Variants in AP4M1 observed in about 807,000 individuals in gnomAD.
AP4M1 encodes the protein AP-4 complex subunit mu-1.
In AP4M1, 58 loss-of-function variants were observed where a neutral mutation model predicts 62.4. The observed-to-expected ratio is 0.93, with a 90% CI of 0.75 to 1.16. The LOEUF (loss-of-function observed/expected upper bound fraction) is 1.16. Among genes scored for constraint, AP4M1 ranks in the 50% most tolerant of loss-of-function variants. AP4M1 has a pLI of 0.00. For synonymous variants in AP4M1, 290 were observed against 239.7 expected (o/e 1.21, Z -1.94); for missense variants, 626 against 585.4 (o/e 1.07, Z -0.72).
chr7:100,107,816 G>T lies in AP4M1; in HGVS notation c.*934G>T. On this transcript the variant is annotated 3_prime_UTR_variant, in exon 15 of 15. Transcript: ENST00000359593. ...AGGACCCTGGTGGGCGCCTCTTCCA[G>T]CTCTTGACTTGGGGCCCAGAGGGGA... The T allele has an allele frequency of 7.0e-7, 1 of 1,432,430 alleles. No homozygotes were observed. 88.7% of individuals were successfully genotyped at this position (1,432,430 alleles called of 1,614,324 possible). A position where few individuals can be genotyped will look rare whatever the true frequency, so the allele number is the denominator to read the frequency against.
In AP4M1 at chr7:100,108,809, T is replaced by G. The variant is rs1179057030; in HGVS notation, c.*1927T>G. On this transcript the variant is annotated 3_prime_UTR_variant, in exon 15 of 15. Coordinates refer to ENST00000359593, the MANE Select transcript of AP4M1 (RefSeq NM_004722.4). ...CCAGCACTTGGGAGGCTGAGGTGGG[T>G]GGATCACTTGAGGTCAAGAGCCTGG... 3.2e-6 allele frequency: 1 copy of G among 313,910 alleles called. No individual in the cohort carries two copies. The highest frequency in any genetic ancestry group is 5.8e-6 in the Non-Finnish European group (1 of 171,032). 19.4% of individuals were successfully genotyped at this position (313,910 alleles called of 1,614,324 possible). A position where few individuals can be genotyped will look rare whatever the true frequency, so the allele number is the denominator to read the frequency against.
rs368830741 is a variant in AP4M1 at position 100,105,258 on chromosome 7, G to A, written c.746G>A (p.Arg249Gln). The A allele has an allele frequency of 6.8e-6, 11 of 1,613,968 alleles. No homozygotes were observed. The highest frequency in any genetic ancestry group is 1.6e-4 in the Middle Eastern group (1 of 6,084). The change falls in exon 10 of 15, where the codon CGG becomes CAG. Residue 249 changes from arginine (R) to glutamine (Q), a missense_variant. Physicochemically the swap from Arg to Gln is conservative, Grantham distance 43. Transcript: ENST00000359593. ...TTTCCAGGTTATGGGCCAGGAATCC[G>A]GGTCGATGAAGTCTCGTTTCACAGC... ...SELRGYGPGI[R>Q]VDEVSFHSSV...
rs766443912 is a variant in AP4M1 at position 100,105,467 on chromosome 7, T to A, written c.857T>A (p.Leu286His). The A allele has an allele frequency of 6.2e-7, 1 of 1,614,036 alleles. No homozygotes were observed. Among genetic ancestry groups the A allele is most frequent in the East Asian group, 2.2e-5 (1 of 44,882 alleles). The stretch of plus-strand genomic sequence containing the variant: ...CAGCTGACTGTGATGCGGTACCAAC[T>A]CTCCGATGACCTCCCCTCACCGCTC... ...QGELTVMRYQLSDDLPSPLPF... is the reference protein window; with the variant it reads ...QGELTVMRYQHSDDLPSPLPF... The change falls in exon 11 of 15, where the codon CTC becomes CAC. Residue 286 changes from leucine to histidine, a missense_variant. Transcript: ENST00000359593.
At position 100,107,939 on chromosome 7, in the gene AP4M1, G is replaced by C; in HGVS notation, c.*1057G>C. On this transcript the variant is annotated 3_prime_UTR_variant, in exon 15 of 15. Transcript: ENST00000359593. Reference sequence around the variant, plus strand: ...AGCTCTGCATACCTGCTGGGTGGATGGGGCGCTGGAGGACGATGACATTAC... The same window carrying C: ...AGCTCTGCATACCTGCTGGGTGGATCGGGCGCTGGAGGACGATGACATTAC... The C allele has an allele frequency of 6.2e-7, 1 of 1,611,102 alleles. No individual in the cohort carries two copies. Among genetic ancestry groups the C allele is most frequent in the Non-Finnish European group, 8.5e-7 (1 of 1,178,056 alleles).
Position 100,107,189 on chromosome 7 carries a change from C to T in AP4M1, c.*307C>T, listed in dbSNP as rs4134929. On this transcript the variant is annotated 3_prime_UTR_variant, in exon 15 of 15. Coordinates refer to ENST00000359593, the MANE Select transcript of AP4M1 (RefSeq NM_004722.4). ...CGCTTAGCGAGCATGCATGTGTGTACGTGCACGTGTGTACATGTCTGCATG... is the reference window on the plus strand; with the variant it reads ...CGCTTAGCGAGCATGCATGTGTGTATGTGCACGTGTGTACATGTCTGCATG... The T allele has an allele frequency of 4.2e-4, 640 of 1,519,058 alleles. 3 individuals carry two copies. The African/African-American group carries it at 7.3e-3, about 17-fold the overall frequency. The allele number at this position is 1,519,058 out of a possible 1,614,324, so 94.1% of individuals were successfully genotyped here. A position where few individuals can be genotyped will look rare whatever the true frequency, so the allele number is the denominator to read the frequency against.
At chr7:100,104,337 G>A (rs1796296585) in intron 7 of AP4M1, among the ~76,000 whole-genome samples, 183 bp downstream of exon 7, 1 of 151,802 alleles carries the variant, frequency 6.6e-6, no homozygotes, top group Admixed American at 6.6e-5. Context: ...GGGCAACATA[G>A]CCAGACCCCG....
At position 100,108,597 on chromosome 7, in the gene AP4M1, A is replaced by C; in HGVS notation, c.*1715A>C. On this transcript the variant is annotated 3_prime_UTR_variant, in exon 15 of 15. Coordinates refer to ENST00000359593, the MANE Select transcript of AP4M1 (RefSeq NM_004722.4). ...AGGGCTGGGGAAAAAAGCCAGGTAGAGGGAGGGCTGGTGACACTCTTGAGA... is the reference window on the plus strand; with the variant it reads ...AGGGCTGGGGAAAAAAGCCAGGTAGCGGGAGGGCTGGTGACACTCTTGAGA... 1 of 1,541,080 alleles carries C rather than the reference A, an allele frequency of 6.5e-7. No individual in the cohort carries two copies. Among genetic ancestry groups the C allele is most frequent in the Non-Finnish European group, 8.8e-7 (1 of 1,140,652 alleles).
rs1045136764 is a variant in AP4M1, at chr7:100,108,297, G to A, written c.*1415G>A. ...TGACTGAGGGCACATGTGGCTGTGT[G>A]CAAGTGCCTGTCCCACACAGGGGTT... On this transcript the variant is annotated 3_prime_UTR_variant, in exon 15 of 15. Transcript: ENST00000359593. The A allele has an allele frequency of 9.2e-6, 14 of 1,522,910 alleles. No individual in the cohort carries two copies. The Middle Eastern group carries it at 1.4e-3, about 154-fold the overall frequency. The allele number at this position is 1,522,910 out of a possible 1,614,324, so 94.3% of individuals were successfully genotyped here.
chr7:100,106,712 T>C lies in AP4M1; in HGVS notation c.1192T>C (p.Ser398Pro). 6 of 1,613,652 alleles carry C rather than the reference T, an allele frequency of 3.7e-6. No individual in the cohort carries two copies. The highest frequency in any genetic ancestry group is 5.1e-6 in the Non-Finnish European group (6 of 1,180,020). ...CAGCCATGGGCTCTCCACCTCGGCCTCTCCTCTGGGGCTGGGCCCTGCCAG... is the reference window on the plus strand; with the variant it reads ...CAGCCATGGGCTCTCCACCTCGGCCCCTCCTCTGGGGCTGGGCCCTGCCAG... ...PPSHGLSTSA[S>P]PLGLGPASLS... is the part of the protein sequence containing the mutation. Residue 398 changes from serine to proline, a missense_variant, in exon 15 of 15, where the codon TCT (serine) becomes CCT (proline). Ser to Pro is a moderately conservative substitution (Grantham distance 74). Transcript: ENST00000359593.
chr7:100,106,903 G>A lies in AP4M1; in HGVS notation c.*21G>A, dbSNP rs371223901. ...TCTGAGGCTCCCCAAACGAGGACAC[G>A]ACGGCCAAGGTGGCAGTTTGTCCCA... On this transcript the variant is annotated 3_prime_UTR_variant, in exon 15 of 15. Coordinates refer to ENST00000359593, the MANE Select transcript of AP4M1 (RefSeq NM_004722.4). 2.2e-5 allele frequency: 35 copies of A among 1,606,084 alleles called. No homozygotes were observed. The highest frequency in any genetic ancestry group is 8.4e-5 in the Admixed American group (5 of 59,544).
intron 11 of AP4M1, among the ~76,000 whole-genome samples, 198 bp downstream of exon 11, chr7:100,105,737 A>G (rs1196047351): frequency 2.6e-5 from 4 of 151,880 alleles, no homozygotes; most frequent in East Asian, 1.9e-4. Flanking sequence ...ACTTGAGCCC[A>G]GGAGTTCCAG....
In AP4M1 at chr7:100,105,966, G is replaced by C. The variant is rs762423703; in HGVS notation, c.937G>C (p.Val313Leu). ...QWDRGSGRLQ[V>L]YLKLRCDLLS... ...TTTTACCCTCTCATCCAGGCTCCAG[G>C]TTTATCTAAAGTTGCGATGTGACCT... is the stretch of plus-strand genomic sequence containing the variant. Residue 313 changes from valine (V) to leucine (L), a missense_variant, in exon 12 of 15, where the codon GTT (valine) becomes CTT (leucine). Physicochemically the swap from Val to Leu is conservative, Grantham distance 32 (BLOSUM62 1). Transcript: ENST00000359593. The C allele has an allele frequency of 4.3e-6, 7 of 1,614,042 alleles. No homozygotes were observed. Among genetic ancestry groups the C allele is most frequent in the Non-Finnish European group, 5.9e-6 (7 of 1,180,044 alleles).
chr7:100,103,253 A>G, intron 4 of AP4M1, 156 bp from the exon 5 acceptor site: 1 of 731,620 alleles, frequency 1.4e-6, no homozygotes, highest in Admixed American at 2.0e-5. Context: ...TGTGTTGCCC[A>G]GGCTGGTCTT....
rs758379682 is a variant in AP4M1, at chr7:100,102,797, C to T, written c.254+16C>T. The T allele has an allele frequency of 1.2e-6, 2 of 1,613,314 alleles. No individual in the cohort carries two copies. The highest frequency in any genetic ancestry group is 1.7e-6 in the Non-Finnish European group (2 of 1,179,256). ...TGCTCTCCAGGTGAGGAGGGTTGGG[C>T]TGGGCACCTGGTAGCTAGGAGGGGT... On this transcript the variant is annotated intron_variant, in intron 3 of 14. Coordinates refer to ENST00000359593, the MANE Select transcript of AP4M1 (RefSeq NM_004722.4).
chr7:100,101,127 G>T (rs1795998300), upstream of AP4M1: 1 of 1,097,752 alleles, frequency 9.1e-7, no homozygotes, highest in Non-Finnish European at 1.3e-6. Context: ...TAGCCAGGCC[G>T]CAGCTCGACC....
In AP4M1 at chr7:100,102,800, G is replaced by A. The variant is rs779812111; in HGVS notation, c.254+19G>A. 3 of 1,613,334 alleles carry A rather than the reference G, an allele frequency of 1.9e-6. No homozygotes were observed. The South Asian group carries it at 3.3e-5, about 18-fold the overall frequency. On this transcript the variant is annotated intron_variant, in intron 3 of 14. Transcript: ENST00000359593. Reference sequence around the variant, plus strand: ...TCTCCAGGTGAGGAGGGTTGGGCTGGGCACCTGGTAGCTAGGAGGGGTCTG... The same window carrying A: ...TCTCCAGGTGAGGAGGGTTGGGCTGAGCACCTGGTAGCTAGGAGGGGTCTG...
rs1796323495 is a variant in AP4M1 at position 100,104,769 on chromosome 7, T to G, written c.607-105T>G. 4.8e-6 allele frequency: 6 copies of G among 1,237,716 alleles called. No individual in the cohort carries two copies. The South Asian group carries it at 7.2e-5, about 15-fold the overall frequency. The allele number at this position is 1,237,716 out of a possible 1,614,324, so 76.7% of individuals were successfully genotyped here. On this transcript the variant is annotated intron_variant, in intron 7 of 14. Transcript: ENST00000359593. ...TGTCTTGAACCTGGGAGGTGGAGGTTGCAGTGAGCCGAGATCACGCCACTG... is the reference window on the plus strand; with the variant it reads ...TGTCTTGAACCTGGGAGGTGGAGGTGGCAGTGAGCCGAGATCACGCCACTG...
In AP4M1 at chr7:100,108,247, CAG is replaced by C. The variant is rs747608637; in HGVS notation, c.*1366_*1367del. On this transcript the variant is annotated 3_prime_UTR_variant, in exon 15 of 15. Coordinates refer to ENST00000359593, the MANE Select transcript of AP4M1 (RefSeq NM_004722.4). ...TCACTAGGGCTGGGGCATCCTCACTCAGGGCCTGGTTGCCCTGAGACTACTGA... is the reference window on the plus strand; with the variant it reads ...TCACTAGGGCTGGGGCATCCTCACTCGGCCTGGTTGCCCTGAGACTACTGA... The C allele has an allele frequency of 1.2e-4, 171 of 1,464,330 alleles. 1 individual carries two copies. Among genetic ancestry groups the C allele is most frequent in the Non-Finnish European group, 1.5e-4 (166 of 1,103,532 alleles). 90.7% of individuals were successfully genotyped at this position (1,464,330 alleles called of 1,614,324 possible). A position where few individuals can be genotyped will look rare whatever the true frequency, so the allele number is the denominator to read the frequency against.
Position 100,108,423 on chromosome 7 carries a change from C to T in AP4M1, c.*1541C>T. 1.2e-6 allele frequency: 2 copies of T among 1,613,792 alleles called. No homozygotes were observed. Among genetic ancestry groups the T allele is most frequent in the Non-Finnish European group, 1.7e-6 (2 of 1,179,788 alleles). ...TGCTGAGCCTGCAGAGCAGCCTGGG[C>T]CCGAGCCTTGACCACCTGGGAGCAG... On this transcript the variant is annotated 3_prime_UTR_variant, in exon 15 of 15. Coordinates refer to ENST00000359593, the MANE Select transcript of AP4M1 (RefSeq NM_004722.4).
Sources: gnomAD v4.1 joint callset for allele counts (sites outside exome capture counted in the v4.1 genomes callset) on GRCh38, gnomAD v4.1.1 for gene constraint, MANE v1.5 for transcripts, NCBI Gene and HGNC (gene_info 2026-07-23, HGNC 2026-07-21) for gene names.